Variants in IL1RAPL2 observed in about 807,000 individuals in gnomAD.
IL1RAPL2 encodes the protein interleukin 1 receptor accessory protein like 2.
Under a neutral mutation model 44.1 loss-of-function variants are expected in IL1RAPL2, and 3 were observed. The observed-to-expected ratio is 0.07, with a 90% CI of 0.03 to 0.18. The LOEUF (loss-of-function observed/expected upper bound fraction) is 0.18. Ranked by LOEUF, IL1RAPL2 falls within the 10% of genes least tolerant of loss-of-function variation. The pLI, the probability that IL1RAPL2 is intolerant of heterozygous loss-of-function variation, is 1.00. For missense variants in IL1RAPL2, 391 were observed against 496.4 expected, an observed-to-expected ratio of 0.79 and a Z score of 2.02; for synonymous variants, 181 against 178.8, an observed-to-expected ratio of 1.01 and a Z score of -0.10.
chrX:105,060,330 C>G (rs910636919), intron 2 of IL1RAPL2, among the ~76,000 whole-genome samples: 1 of 111,528 alleles, frequency 9.0e-6, no homozygotes, highest in African/African-American at 3.3e-5. Flanking sequence ...TGAATTTTAT[C>G]AAATGCTTTT....
rs1569452093 is a variant in IL1RAPL2 at position 105,540,833 on chromosome X, G to GTATATATTATATATC, written c.772+56446_772+56447insTATATATTATATATC. Among the ~76,000 whole-genome samples, 115 of 27,271 alleles carry GTATATATTATATATC rather than the reference G, an allele frequency of 4.2e-3. 22 individuals carry two copies. The highest frequency in any genetic ancestry group is 0.014 in the South Asian group (12 of 846). The allele number at this position is 27,271 out of a possible 115,157, so 23.7% of individuals were successfully genotyped here. On this transcript the variant is annotated intron_variant, in intron 6 of 10. Coordinates refer to ENST00000372582, the MANE Select transcript of IL1RAPL2 (RefSeq NM_017416.2). ...TATAATATATACATATATTATATAT[G>GTATATATTATATATC]ATATATAATACATACATATATTATA...
chrX:105,281,160 A>G (rs1407533079), intron 5 of IL1RAPL2, among the ~76,000 whole-genome samples: 2 of 111,558 alleles, frequency 1.8e-5, no homozygotes, highest in African/African-American at 6.5e-5. Context: ...ATTCTCAGCA[A>G]ATTATCACAA....
chrX:104,677,954 C>T (rs1389790386), intron 2 of IL1RAPL2, among the ~76,000 whole-genome samples: 2 of 112,565 alleles, frequency 1.8e-5, no homozygotes, highest in East Asian at 5.7e-4. Context: ...CCTGCTTCGG[C>T]TCGCGCATGG....
chrX:105,162,693 G>T (rs926809367), intron 2 of IL1RAPL2, among the ~76,000 whole-genome samples: 4 of 112,128 alleles, frequency 3.6e-5, no homozygotes, highest in Non-Finnish European at 7.5e-5. Flanking sequence ...TGTATGGAGG[G>T]TGTGTTAGTC....
At chrX:104,807,566 A>G (rs1187833836) in intron 2 of IL1RAPL2, among the ~76,000 whole-genome samples, 1 of 112,115 alleles carries the variant, frequency 8.9e-6, no homozygotes, top group Non-Finnish European at 1.9e-5. Context: ...ACAGCAATGT[A>G]TAAGAATTAA....
At chrX:105,323,427 A>C (rs1038093318) in intron 5 of IL1RAPL2, among the ~76,000 whole-genome samples, 1 of 111,756 alleles carries the variant, frequency 8.9e-6, no homozygotes, top group Non-Finnish European at 1.9e-5. Flanking sequence ...TAAAATTTGG[A>C]TATTAGTTGG....
intron 2 of IL1RAPL2, among the ~76,000 whole-genome samples, chrX:105,079,770 C>G (rs1035871977): frequency 1.6e-4 from 18 of 110,942 alleles, no homozygotes; most frequent in Non-Finnish European, 3.8e-5. Context: ...CTTGAGGAAT[C>G]ACCACACTGT....
chrX:105,672,848 C>T (rs2037835751), intron 6 of IL1RAPL2, among the ~76,000 whole-genome samples: 2 of 111,746 alleles, frequency 1.8e-5, no homozygotes, highest in East Asian at 2.8e-4. Flanking sequence ...CTAGGCTTCC[C>T]CTTTTTTAGT....
chrX:105,673,487 AG>A (rs1354694117), intron 6 of IL1RAPL2, among the ~76,000 whole-genome samples: 1 of 111,571 alleles, frequency 9.0e-6, no homozygotes, highest in Non-Finnish European at 1.9e-5. Flanking sequence ...GTCCCTGCAA[AG>A]GACATGATCT....
intron 2 of IL1RAPL2, among the ~76,000 whole-genome samples, chrX:104,791,591 G>T: frequency 8.9e-6 from 1 of 112,085 alleles, no homozygotes; most frequent in East Asian, 2.8e-4. Flanking sequence ...GAGAAATGAT[G>T]ATCTTTGTCA....
chrX:105,593,268 T>C (rs1429112833), intron 6 of IL1RAPL2, among the ~76,000 whole-genome samples: 2 of 112,291 alleles, frequency 1.8e-5, no homozygotes, highest in Non-Finnish European at 1.9e-5. Flanking sequence ...GTAGTGAGTT[T>C]TTCTATCAAA....
At chrX:104,955,040 C>T (rs1450371137) in intron 2 of IL1RAPL2, among the ~76,000 whole-genome samples, 2 of 112,250 alleles carry the variant, frequency 1.8e-5, no homozygotes, top group Non-Finnish European at 1.9e-5. Flanking sequence ...GCAGGGTTTA[C>T]TCAGAAATTC....
intron 2 of IL1RAPL2, among the ~76,000 whole-genome samples, chrX:104,910,438 A>T (rs189602262): frequency 8.7e-4 from 97 of 111,951 alleles, no homozygotes; most frequent in Admixed American, 3.4e-3. Context: ...TTACATAGGT[A>T]TACACATGGC....
chrX:105,267,885 G>A (rs1417877660), intron 5 of IL1RAPL2, among the ~76,000 whole-genome samples: 1 of 111,338 alleles, frequency 9.0e-6, no homozygotes, highest in African/African-American at 3.3e-5. Flanking sequence ...TCTCCTTGTA[G>A]GTGAAGGCTG....
chrX:104,838,206 A>G (rs921589756), intron 2 of IL1RAPL2, among the ~76,000 whole-genome samples: 21 of 111,751 alleles, frequency 1.9e-4, no homozygotes, highest in Non-Finnish European at 3.6e-4. Context: ...TCTTGGCTAT[A>G]CAAGCTCTTT....
At chrX:104,640,132 T>C (rs1180691368) in intron 1 of IL1RAPL2, among the ~76,000 whole-genome samples, 4 of 111,940 alleles carry the variant, frequency 3.6e-5, no homozygotes, top group Non-Finnish European at 7.5e-5. Flanking sequence ...ATTTGGTTGC[T>C]TTGTTGTATC....
intron 2 of IL1RAPL2, among the ~76,000 whole-genome samples, chrX:105,059,651 C>A (rs2032047003): frequency 9.0e-6 from 1 of 111,316 alleles, no homozygotes; most frequent in African/African-American, 3.3e-5. Flanking sequence ...CTGCCTCAGC[C>A]TCCCGAGTAG....
intron 3 of IL1RAPL2, among the ~76,000 whole-genome samples, chrX:105,197,008 A>C (rs1417015140): frequency 9.0e-6 from 1 of 111,731 alleles, no homozygotes; most frequent in Non-Finnish European, 1.9e-5. Context: ...TCATTGTTCA[A>C]AAGCCCAGGA....
chrX:105,176,151 T>A (rs1401648890), intron 2 of IL1RAPL2, among the ~76,000 whole-genome samples: 1 of 111,211 alleles, frequency 9.0e-6, no homozygotes, highest in Non-Finnish European at 1.9e-5. Flanking sequence ...ATTAAGGATA[T>A]ACTAGAATTA....
Sources: allele counts gnomAD v4.1 joint callset (sites outside exome capture counted in the v4.1 genomes callset), GRCh38; gene constraint gnomAD v4.1.1; transcripts MANE v1.5; gene names NCBI Gene and HGNC (gene_info 2026-07-23, HGNC 2026-07-21).